GRIK1: variants seen among roughly 807,000 people sequenced by gnomAD.
GRIK1 encodes glutamate receptor ionotropic, kainate 1.
GRIK1 carries 69 observed loss-of-function variants against 105.7 expected under a neutral mutation model. The observed-to-expected ratio is 0.65, with a 90% CI of 0.54 to 0.80. GRIK1 has a LOEUF of 0.80. Ranked by LOEUF, GRIK1 falls within the 30% of genes least tolerant of loss-of-function variation. The probability of loss-of-function intolerance (pLI) is 0.00; values close to 1 mark genes in which losing one functional copy is unlikely to be tolerated. For missense variants in GRIK1, 1,109 were observed against 1,167.3 expected (o/e 0.95, Z 0.73); for synonymous variants, 438 against 431.3 (o/e 1.02, Z -0.19).
chr21:29,703,729 A>G lies in GRIK1; in HGVS notation c.119-9666T>C, dbSNP rs183007039. ...AGAGATTGGATTTTTACCTTTCAGAAAGTCCCAGCCAAGAACAGAGCTGTG... is the reference window on the plus strand; with the variant it reads ...AGAGATTGGATTTTTACCTTTCAGAGAGTCCCAGCCAAGAACAGAGCTGTG... On this transcript the variant is annotated intron_variant, in intron 1 of 17. Coordinates refer to ENST00000327783, the MANE Select transcript of GRIK1 (RefSeq NM_001330994.2). Among the ~76,000 whole-genome samples, 123 of 152,318 alleles carry G rather than the reference A, an allele frequency of 8.1e-4. 1 individual carries two copies. Among genetic ancestry groups the G allele is most frequent in the Non-Finnish European group, 6.3e-4 (43 of 68,026 alleles).
chr21:29,879,975 T>G (rs745792589), intron 1 of GRIK1, among the ~76,000 whole-genome samples: 4 of 152,174 alleles, frequency 2.6e-5, no homozygotes, highest in Non-Finnish European at 2.9e-5. Context: ...AGTTTACATA[T>G]GCAATTGTTA....
At chr21:29,654,783 G>A (rs1477281623) in intron 5 of GRIK1, 27 bp downstream of exon 5, 2 of 1,319,360 alleles carry the variant, frequency 1.5e-6, no homozygotes, top group Non-Finnish European at 2.2e-6. Flanking sequence ...CTACCATGTG[G>A]AATACATTTC....
At position 29,939,558 on chromosome 21, in the gene GRIK1, C is replaced by T; in HGVS notation, c.-58G>A. 9.0e-7 allele frequency: 1 copy of T among 1,107,714 alleles called. No homozygotes were observed. Among genetic ancestry groups the T allele is most frequent in the Non-Finnish European group, 1.3e-6 (1 of 771,542 alleles). 68.6% of individuals were successfully genotyped at this position (1,107,714 alleles called of 1,614,324 possible). A position where few individuals can be genotyped will look rare whatever the true frequency, so the allele number is the denominator to read the frequency against. On this transcript the variant is annotated 5_prime_UTR_variant, in exon 1 of 18. Transcript: ENST00000327783. The stretch of plus-strand genomic sequence containing the variant: ...GCCGCTGCCGGACGCCCGAGAGATG[C>T]ACCCAACTTGGGCCGGGTCCCCGCC...
chr21:29,767,911 C>A (rs1162432330), intron 1 of GRIK1, among the ~76,000 whole-genome samples: 4 of 147,652 alleles, frequency 2.7e-5, no homozygotes, highest in Non-Finnish European at 4.5e-5. Flanking sequence ...TGTATGTATT[C>A]CATGTAATGG....
At chr21:29,550,502 A>C (rs989487648) in intron 16 of GRIK1, among the ~76,000 whole-genome samples, 1 of 152,220 alleles carries the variant, frequency 6.6e-6, no homozygotes, top group Non-Finnish European at 1.5e-5. Context: ...TCAACTGGGC[A>C]TCTGAAAAAA....
intron 1 of GRIK1, among the ~76,000 whole-genome samples, chr21:29,848,779 A>ATATATTTTTTTTTTTTTTTTTT: frequency 1.3e-5 from 1 of 77,866 alleles, no homozygotes; most frequent in African/African-American, 5.8e-5. Context: ...ATATATATAT[A>ATATATTTTTTTTTTTTTTTTTT]TTTTTTTTTT....
At chr21:29,872,449 T>A (rs1057063871) in intron 1 of GRIK1, among the ~76,000 whole-genome samples, 1 of 152,162 alleles carries the variant, frequency 6.6e-6, no homozygotes. Context: ...CGCCTCTGCC[T>A]CCTGCTCTGA....
intron 1 of GRIK1, among the ~76,000 whole-genome samples, chr21:29,730,018 T>C (rs2064572612): frequency 1.3e-5 from 2 of 152,224 alleles, no homozygotes; most frequent in Admixed American, 1.3e-4. Context: ...AAACATGTCA[T>C]AATCACTACA....
chr21:29,854,712 C>G (rs1053845398), intron 1 of GRIK1, among the ~76,000 whole-genome samples: 2 of 152,130 alleles, frequency 1.3e-5, no homozygotes. Flanking sequence ...TAGTTGCACT[C>G]AGGAACTAGG....
At chr21:29,609,086 A>C (rs1004306054) in intron 7 of GRIK1, among the ~76,000 whole-genome samples, 2 of 150,018 alleles carry the variant, frequency 1.3e-5, no homozygotes, top group Non-Finnish European at 3.0e-5. Context: ...ATGGTCTTTT[A>C]ATAAGATATT....
In GRIK1 at chr21:29,643,162, G is replaced by A. The variant is rs192618870; in HGVS notation, c.955-193C>T. Among the ~76,000 whole-genome samples the A allele has an allele frequency of 1.2e-3, 189 of 152,054 alleles. 1 individual carries two copies. The highest frequency in any genetic ancestry group is 2.2e-3 in the Non-Finnish European group (151 of 68,002). ...AATACCTCACACTTTGGAGTAAATT[G>A]AAGTTATAACTCTGCTTCGTTTCAA... On this transcript the variant is annotated intron_variant, in intron 6 of 17. Transcript: ENST00000327783.
chr21:29,898,285 G>A (rs1355660156), intron 1 of GRIK1, among the ~76,000 whole-genome samples: 1 of 152,190 alleles, frequency 6.6e-6, no homozygotes, highest in Non-Finnish European at 1.5e-5. Context: ...AATTCACTCA[G>A]CCAACATTCC....
At chr21:29,784,081 T>C (rs896419444) in intron 1 of GRIK1, among the ~76,000 whole-genome samples, 1 of 152,210 alleles carries the variant, frequency 6.6e-6, no homozygotes, top group African/African-American at 2.4e-5. Flanking sequence ...TACAGGACTG[T>C]TGTTTTTTAA....
chr21:29,894,541 G>A (rs371758889), intron 1 of GRIK1, among the ~76,000 whole-genome samples: 6 of 152,078 alleles, frequency 3.9e-5, no homozygotes, highest in African/African-American at 9.7e-5. Context: ...CACCCAGACC[G>A]AGGATAGGTC....
rs187012027 is a variant in GRIK1, at chr21:29,809,217, A to T, written c.119-115154T>A. 1.2e-4 allele frequency among the ~76,000 whole-genome samples: 18 copies of T among 152,306 alleles called. No individual in the cohort carries two copies. In the East Asian group the frequency reaches 2.9e-3, roughly 24 times the overall value. ...CTGTAATCAGACATAATTACTTAAG[A>T]CATGTATACCTTGGAAATATTGTGG... is the stretch of plus-strand genomic sequence containing the variant. On this transcript the variant is annotated intron_variant, in intron 1 of 17. Transcript: ENST00000327783.
intron 1 of GRIK1, among the ~76,000 whole-genome samples, chr21:29,860,563 A>AC (rs1436123033): frequency 1.3e-5 from 2 of 152,246 alleles, no homozygotes; most frequent in Admixed American, 1.3e-4. Context: ...ACTATGTGCC[A>AC]CACCAGGAGG....
chr21:29,912,216 T>A (rs1395615606), intron 1 of GRIK1, among the ~76,000 whole-genome samples: 1 of 152,102 alleles, frequency 6.6e-6, no homozygotes, highest in Non-Finnish European at 1.5e-5. Context: ...CCAAAGGGCA[T>A]CAGCCTAAGG....
intron 1 of GRIK1, among the ~76,000 whole-genome samples, chr21:29,859,803 T>A (rs2068581144): frequency 6.6e-6 from 1 of 152,240 alleles, no homozygotes; most frequent in African/African-American, 2.4e-5. Context: ...AAATGAAGTT[T>A]GAATTCTGCC....
At chr21:29,830,540 T>C (rs1471454692) in intron 1 of GRIK1, among the ~76,000 whole-genome samples, 1 of 152,114 alleles carries the variant, frequency 6.6e-6, no homozygotes, top group Admixed American at 6.6e-5. Context: ...GTACTGGAAG[T>C]AGAGTGATGA....
Sources: allele counts gnomAD v4.1 joint callset (sites outside exome capture counted in the v4.1 genomes callset), GRCh38; gene constraint gnomAD v4.1.1; transcripts MANE v1.5; gene names NCBI Gene and HGNC (gene_info 2026-07-23, HGNC 2026-07-21).